ABCF2: variants seen among roughly 807,000 people sequenced by gnomAD.
ABCF2 encodes ATP-binding cassette sub-family F member 2.
A neutral mutation model predicts 76.9 loss-of-function variants in ABCF2; 37 were observed. That is an observed-to-expected ratio of 0.48 (90% CI 0.37 to 0.63). The LOEUF is 0.63. ABCF2 is among the 30% of genes least tolerant of loss of function. ABCF2 has a pLI of 0.00. For synonymous variants in ABCF2, 299 were observed against 283.7 expected, an observed-to-expected ratio of 1.05 and a Z score of -0.54; for missense variants, 524 against 782.1, an observed-to-expected ratio of 0.67 and a Z score of 3.94.
chr7:151,214,897 G>A lies in ABCF2; in HGVS notation c.1716C>T (p.Asp572=). The A allele has an allele frequency of 1.2e-6, 2 of 1,614,214 alleles. No homozygotes were observed. Among genetic ancestry groups the A allele is most frequent in the Middle Eastern group, 1.6e-4 (1 of 6,062 alleles). ...GCCTCACCTGCTGAATGAGTCTGAA[G>A]TCATGGCTGACCAGCATCATACCAC... ...FEGGMMLVSH[D]FRLIQQVAQE... The change falls in exon 14 of 15, where the codon GAC becomes GAT. Residue 572 remains aspartate, a synonymous_variant. Coordinates refer to ENST00000287844, the MANE Select transcript of ABCF2 (RefSeq NM_007189.3). The surrounding 1 kb of genome is among the most constrained non-coding windows in gnomAD (Gnocchi z 4.9).
At chr7:151,226,644 G>T (rs1802378716) in intron 1 of ABCF2, 144 bp from the exon 2 acceptor site, 9 of 615,528 alleles carry the variant, frequency 1.5e-5, no homozygotes, top group Non-Finnish European at 2.2e-5. Flanking sequence ...GTTCCAACTT[G>T]GTCAGGGTAT....
Position 151,214,136 on chromosome 7 carries a change from T to A in ABCF2, c.1790A>T (p.Asp597Val), listed in dbSNP as rs145807820. Reference protein sequence around the residue: ...EKQTITKWPGDILAYKEHLKS... With the variant: ...EKQTITKWPGVILAYKEHLKS... The stretch of plus-strand genomic sequence containing the variant: ...GAGGTGCTCCTTGTAAGCCAGGATG[T>A]CTCCAGGCCACTTGGTGATTGTCTG... The change falls in exon 15 of 15, where the codon GAC (aspartate) becomes GTC (valine). Residue 597 changes from aspartate to valine, a missense_variant. Asp to Val is a radical substitution (Grantham distance 152). Coordinates refer to ENST00000287844, the MANE Select transcript of ABCF2 (RefSeq NM_007189.3). This position sits in a 1 kb window ranked among gnomAD's most constrained non-coding sequence, Gnocchi z 4.9. 6.2e-7 allele frequency: 1 copy of A among 1,613,992 alleles called. No individual in the cohort carries two copies. Among genetic ancestry groups the A allele is most frequent in the Non-Finnish European group, 8.5e-7 (1 of 1,179,992 alleles).
rs1330776586 is a variant in ABCF2 at position 151,215,032 on chromosome 7, C to T, written c.1581G>A (p.Leu527=). 9 of 1,614,054 alleles carry T rather than the reference C, an allele frequency of 5.6e-6. No homozygotes were observed. The highest frequency in any genetic ancestry group is 1.6e-4 in the Middle Eastern group (1 of 6,084). The part of the protein sequence containing the change: ...LSDGQKCRVC[L]AWLAWQNPHM... Reference sequence around the variant, plus strand: ...GGGGGTTCTGCCAGGCCAGCCAGGCCAGACACACTCGGCACTTCTGCCCGT... The same window carrying T: ...GGGGGTTCTGCCAGGCCAGCCAGGCTAGACACACTCGGCACTTCTGCCCGT... The change falls in exon 14 of 15, where the codon CTG becomes CTA. Residue 527 remains leucine, a synonymous_variant. Coordinates refer to ENST00000287844, the MANE Select transcript of ABCF2 (RefSeq NM_007189.3). The surrounding 1 kb of genome is among the most constrained non-coding windows in gnomAD (Gnocchi z 4.6).
chr7:151,224,565 T>G (rs1342643923), intron 3 of ABCF2, among the ~76,000 whole-genome samples: 2 of 152,218 alleles, frequency 1.3e-5, no homozygotes, highest in African/African-American at 4.8e-5. Flanking sequence ...TCCGAAACAC[T>G]TCTGGTTCCA....
At chr7:151,226,006 G>T (rs1802364877) in intron 2 of ABCF2, among the ~76,000 whole-genome samples, 1 of 152,170 alleles carries the variant, frequency 6.6e-6, no homozygotes, top group Non-Finnish European at 1.5e-5. Flanking sequence ...ACCATGCATA[G>T]AAATGGAAAC....
chr7:151,211,892 G>A lies in ABCF2; in HGVS notation c.*2162C>T. 1 of 985,444 alleles carries A rather than the reference G, an allele frequency of 1.0e-6. No homozygotes were observed. The highest frequency in any genetic ancestry group is 1.2e-6 in the Non-Finnish European group (1 of 829,936). 61.0% of individuals were successfully genotyped at this position (985,444 alleles called of 1,614,324 possible). The stretch of plus-strand genomic sequence containing the variant: ...CTGCAGTGTCTCACGGGAGGCTCCT[G>A]TCCCTGTTGCCCAGGGCAGCTCCTG... On this transcript the variant is annotated 3_prime_UTR_variant, in exon 15 of 15. Transcript: ENST00000287844.
rs1040453917 is a variant in ABCF2 at position 151,225,053 on chromosome 7, C to T, written c.155-65G>A. ...AGACTCGGCTCTCCACAAAGGTCAA[C>T]GTCCTGAAGGACCAGGCTCCAATCC... is the stretch of plus-strand genomic sequence containing the variant. On this transcript the variant is annotated intron_variant, in intron 2 of 14. Coordinates refer to ENST00000287844, the MANE Select transcript of ABCF2 (RefSeq NM_007189.3). 2.8e-6 allele frequency: 4 copies of T among 1,437,358 alleles called. No homozygotes were observed. In the African/African-American group the frequency reaches 5.6e-5, roughly 20 times the overall value. The allele number at this position is 1,437,358 out of a possible 1,614,324, so 89.0% of individuals were successfully genotyped here. A position where few individuals can be genotyped will look rare whatever the true frequency, so the allele number is the denominator to read the frequency against.
Position 151,218,598 on chromosome 7 carries a change from A to G in ABCF2, c.1190T>C (p.Met397Thr), listed in dbSNP as rs372876973. ...PCGKIPPPVIMVQNVSFKYTK... is the reference protein window; with the variant it reads ...PCGKIPPPVITVQNVSFKYTK... ...ATACTTGAAGCTCACATTTTGCACC[A>G]TAATGACAGGTGGAGGGATCTTGCC... Residue 397 changes from methionine (M) to threonine (T), a missense_variant, in exon 10 of 15, where the codon ATG becomes ACG. By Grantham distance (81) the Met-to-Thr change is moderately conservative. Transcript: ENST00000287844. The G allele has an allele frequency of 3.7e-6, 6 of 1,614,158 alleles. No individual in the cohort carries two copies. The highest frequency in any genetic ancestry group is 5.1e-6 in the Non-Finnish European group (6 of 1,180,022).
chr7:151,222,613 G>A lies in ABCF2; in HGVS notation c.726C>T (p.Ala242=). 3.1e-6 allele frequency: 5 copies of A among 1,613,232 alleles called. No individual in the cohort carries two copies. The South Asian group carries it at 4.4e-5, about 14-fold the overall frequency. Residue 242 remains alanine, a synonymous_variant, in exon 6 of 15, where the codon GCC becomes GCT. Coordinates refer to ENST00000287844, the MANE Select transcript of ABCF2 (RefSeq NM_007189.3). ...GWRMRVALAR[A]LFIRPFMLLL... ...GCAGCATGAAGGGCCGAATAAAGAG[G>A]GCTCTGAAGGACGGTAAAGGAGACA...
rs1334285820 is a variant in ABCF2 at position 151,224,870 on chromosome 7, G to A, written c.273C>T (p.Leu91=). The A allele has an allele frequency of 6.2e-7, 1 of 1,614,054 alleles. No individual in the cohort carries two copies. Among genetic ancestry groups the A allele is most frequent in the African/African-American group, 1.3e-5 (1 of 74,926 alleles). ...GCTCTTGACCATGAAAGGTAAGTGA[G>A]AGGTTGATGATGTGAACATCAGTAC... ...PNSTDVHIIN[L]SLTFHGQELL... Residue 91 remains leucine, a synonymous_variant, in exon 3 of 15, where the codon CTC becomes CTT. Transcript: ENST00000287844.
intron 1 of ABCF2, 42 bp from the exon 2 acceptor site, chr7:151,226,542 T>A: frequency 7.1e-7 from 1 of 1,411,910 alleles, no homozygotes; most frequent in Non-Finnish European, 9.6e-7. Flanking sequence ...CTAAACTTAC[T>A]AGTAAGAATG....
In ABCF2 at chr7:151,212,088, T is replaced by C. The variant is rs916102393; in HGVS notation, c.*1966A>G. On this transcript the variant is annotated 3_prime_UTR_variant, in exon 15 of 15. Coordinates refer to ENST00000287844, the MANE Select transcript of ABCF2 (RefSeq NM_007189.3). ...TGTGTCCTGTATGGTTCTGTCTTAC[T>C]GGCTTTCCAAGAAGATCATGAGCTC... is the stretch of plus-strand genomic sequence containing the variant. 1 of 972,438 alleles carries C rather than the reference T, an allele frequency of 1.0e-6. No homozygotes were observed. The highest frequency in any genetic ancestry group is 1.2e-6 in the Non-Finnish European group (1 of 818,092). The allele number at this position is 972,438 out of a possible 1,614,324, so 60.2% of individuals were successfully genotyped here. A position where few individuals can be genotyped will look rare whatever the true frequency, so the allele number is the denominator to read the frequency against.
Position 151,219,161 on chromosome 7 carries a change from T to TGCATGGAAATGTGCCAGGTAAG in ABCF2, c.922-24_922-3dup. On this transcript the variant is annotated splice_polypyrimidine_tract_variant and splice_region_variant and intron_variant, in intron 7 of 14. Transcript: ENST00000287844. ...CTTCACGTACTGATCATAATTACCC[T>TGCATGGAAATGTGCCAGGTAAG]GCATGGAAATGTGCCAGGTAAGGCA... The TGCATGGAAATGTGCCAGGTAAG allele has an allele frequency of 1.9e-6, 3 of 1,613,534 alleles. No homozygotes were observed. The African/African-American group carries it at 4.0e-5, about 22-fold the overall frequency.
intron 1 of ABCF2, 90 bp downstream of exon 1, chr7:151,227,073 T>A (rs566019563): frequency 1.6e-5 from 2 of 127,274 alleles, no homozygotes; most frequent in East Asian, 2.6e-4. Flanking sequence ...GAGCCCTCCA[T>A]CCAAACCCCG....
In ABCF2 at chr7:151,223,978, C is replaced by T; in HGVS notation, c.504G>A (p.Glu168=). The T allele has an allele frequency of 1.2e-6, 2 of 1,614,168 alleles. No homozygotes were observed. The highest frequency in any genetic ancestry group is 1.7e-6 in the Non-Finnish European group (2 of 1,180,010). The part of the protein sequence containing the change: ...PLHCVMEVDT[E]RAMLEKEAER... ...CTGCCTCTTTCTCCAGCATGGCCCGCTCTGTGTCGACTTCCATCACACAAT... is the reference window on the plus strand; with the variant it reads ...CTGCCTCTTTCTCCAGCATGGCCCGTTCTGTGTCGACTTCCATCACACAAT... Residue 168 remains glutamate, a synonymous_variant, in exon 4 of 15, where the codon GAG becomes GAA. Coordinates refer to ENST00000287844, the MANE Select transcript of ABCF2 (RefSeq NM_007189.3).
intron 2 of ABCF2, among the ~76,000 whole-genome samples, chr7:151,225,922 T>G (rs1802362801): frequency 6.6e-6 from 1 of 152,218 alleles, no homozygotes; most frequent in Non-Finnish European, 1.5e-5. Flanking sequence ...GTTACTCTCT[T>G]GTAGGTAGAG....
At chr7:151,218,295 G>A in intron 10 of ABCF2, 104 bp from the exon 11 acceptor site, 1 of 872,390 alleles carries the variant, frequency 1.1e-6, no homozygotes, top group Non-Finnish European at 1.9e-6. Flanking sequence ...AGAGGAGGAA[G>A]GGAGAGTAGC....
At chr7:151,223,546 C>T in intron 5 of ABCF2, 132 bp downstream of exon 5, 2 of 1,075,282 alleles carry the variant, frequency 1.9e-6, no homozygotes. Context: ...ACAACCCCCT[C>T]CACACTGCAG....
chr7:151,215,900 A>G lies in ABCF2; in HGVS notation c.1401+67T>C, dbSNP rs934338041. 71 of 1,587,284 alleles carry G rather than the reference A, an allele frequency of 4.5e-5. No homozygotes were observed. Among genetic ancestry groups the G allele is most frequent in the Non-Finnish European group, 6.0e-5 (70 of 1,159,236 alleles). On this transcript the variant is annotated intron_variant, in intron 12 of 14. Coordinates refer to ENST00000287844, the MANE Select transcript of ABCF2 (RefSeq NM_007189.3). The surrounding 1 kb of genome is among the most constrained non-coding windows in gnomAD (Gnocchi z 4.6). ...CAGGGGGTGGGGGCGGCTGGCTGGA[A>G]CTCAGCCAGATACAGCCCCTCCCTA...
Sources: allele counts gnomAD v4.1 joint callset (sites outside exome capture counted in the v4.1 genomes callset), GRCh38; gene constraint gnomAD v4.1.1; non-coding constraint Gnocchi (gnomAD v3.1); transcripts MANE v1.5; gene names NCBI Gene and HGNC (gene_info 2026-07-23, HGNC 2026-07-21).